TMEM144: variants seen among roughly 807,000 people sequenced by gnomAD.
TMEM144 encodes transmembrane protein 144.
TMEM144 carries 39 observed loss-of-function variants against 43.6 expected under a neutral mutation model. The ratio of observed to expected loss-of-function variants is 0.90; its 90% CI spans 0.69 to 1.17. TMEM144 has a LOEUF of 1.17. Ranked by LOEUF, TMEM144 falls within the 50% of genes most tolerant of loss-of-function variation. The pLI is 0.00. For synonymous variants in TMEM144, 154 were observed against 133.6 expected (o/e 1.15, Z -1.06); for missense variants, 417 against 411.9 (o/e 1.01, Z -0.11).
chr4:158,249,096 G>A (rs535458457), intron 12 of TMEM144, among the ~76,000 whole-genome samples: 2 of 152,080 alleles, frequency 1.3e-5, no homozygotes, highest in East Asian at 1.9e-4. Context: ...TAGTAGAGAC[G>A]GGGTTTCACA....
chr4:158,231,928 T>C (rs1231549261), intron 6 of TMEM144, among the ~76,000 whole-genome samples: 1 of 152,220 alleles, frequency 6.6e-6, no homozygotes, highest in African/African-American at 2.4e-5. Flanking sequence ...AGCATTTTAA[T>C]TTTTACACAA....
chr4:158,223,901 G>T (rs1380516062), intron 6 of TMEM144, among the ~76,000 whole-genome samples: 1 of 152,160 alleles, frequency 6.6e-6, no homozygotes, highest in East Asian at 1.9e-4. Context: ...ATAATAGAAT[G>T]ATTTATATTC....
At chr4:158,233,743 CA>C (rs891522418) in intron 7 of TMEM144, 4 of 152,258 alleles carry the variant, frequency 2.6e-5, no homozygotes, top group Non-Finnish European at 5.9e-5. Context: ...CCCCTTACTT[CA>C]AAATTAATCT....
chr4:158,231,240 G>A (rs1340916008), intron 6 of TMEM144, among the ~76,000 whole-genome samples: 1 of 152,062 alleles, frequency 6.6e-6, no homozygotes, highest in Non-Finnish European at 1.5e-5. Flanking sequence ...TGAGGAAGAG[G>A]GATTCTAGTG....
chr4:158,217,462 C>A, intron 5 of TMEM144, 42 bp downstream of exon 5: 2 of 1,369,556 alleles, frequency 1.5e-6, no homozygotes, highest in South Asian at 1.2e-5. Context: ...TTCCTGCATC[C>A]ATATTCTATG....
intron 9 of TMEM144, 107 bp downstream of exon 9, chr4:158,237,750 C>A: frequency 1.3e-6 from 1 of 780,474 alleles, no homozygotes; most frequent in Non-Finnish European, 2.0e-6. Context: ...TTTCTTTGTC[C>A]TTGTAAGTGG....
intron 6 of TMEM144, among the ~76,000 whole-genome samples, chr4:158,225,692 C>CCACG (rs1331376040): frequency 6.6e-6 from 1 of 152,210 alleles, no homozygotes; most frequent in East Asian, 1.9e-4. Context: ...CAGTAAAGGT[C>CCACG]CACGACAATA....
chr4:158,237,483 T>C, intron 8 of TMEM144, 42 bp from the exon 9 acceptor site: 1 of 1,482,892 alleles, frequency 6.7e-7, no homozygotes, highest in African/African-American at 1.4e-5. Context: ...TCAGAAATAC[T>C]GCTTTGAGCC....
intron 12 of TMEM144, among the ~76,000 whole-genome samples, chr4:158,246,383 C>G (rs1052582256): frequency 6.6e-6 from 1 of 152,044 alleles, no homozygotes; most frequent in African/African-American, 2.4e-5. Flanking sequence ...GTACTTCTAC[C>G]TGATCTTTAA....
At chr4:158,212,829 C>T (rs760104015) in intron 3 of TMEM144, 53 bp downstream of exon 3, 2 of 1,395,836 alleles carry the variant, frequency 1.4e-6, no homozygotes, top group Non-Finnish European at 2.0e-6. Flanking sequence ...AAATGAAGTT[C>T]CTTTTTTGGT....
intron 6 of TMEM144, among the ~76,000 whole-genome samples, chr4:158,221,960 T>G (rs1258935661): frequency 1.3e-5 from 2 of 152,206 alleles, no homozygotes; most frequent in Non-Finnish European, 2.9e-5. Context: ...TACTGGACCC[T>G]TCCCTGCAAA....
At chr4:158,217,451 T>C in intron 5 of TMEM144, 31 bp downstream of exon 5, 2 of 1,444,626 alleles carry the variant, frequency 1.4e-6, no homozygotes, top group Non-Finnish European at 1.9e-6. Flanking sequence ...TCAACTAAGA[T>C]TTCCTGCATC....
At chr4:158,216,115 C>T (rs1300370611) in intron 4 of TMEM144, among the ~76,000 whole-genome samples, 1 of 151,976 alleles carries the variant, frequency 6.6e-6, no homozygotes, top group Non-Finnish European at 1.5e-5. Context: ...ATTATTATAC[C>T]TCACTTATAC....
chr4:158,244,217 T>C (rs948163233), intron 11 of TMEM144, 79 bp from the exon 12 acceptor site: 1 of 1,071,690 alleles, frequency 9.3e-7, no homozygotes, highest in African/African-American at 1.6e-5. Context: ...GTTTATACTG[T>C]CTCTAACTTA....
intron 8 of TMEM144, among the ~76,000 whole-genome samples, chr4:158,236,475 G>A (rs532785511): frequency 9.9e-5 from 15 of 152,134 alleles, no homozygotes; most frequent in Admixed American, 2.6e-4. Context: ...TCTTGTCTGC[G>A]TTTGGGACGC....
rs1447925930 is a variant in TMEM144 at position 158,253,602 on chromosome 4, A to G, written c.*75A>G. The G allele has an allele frequency of 4.8e-6, 6 of 1,242,788 alleles. No homozygotes were observed. In the Admixed American group the frequency reaches 7.8e-5, roughly 16 times the overall value. 77.0% of individuals were successfully genotyped at this position (1,242,788 alleles called of 1,614,324 possible). A position where few individuals can be genotyped will look rare whatever the true frequency, so the allele number is the denominator to read the frequency against. ...CGGACAGCGGAGAGATCATGCTGAG[A>G]AAAGAGTGCATTTTCATATAGCAAA... On this transcript the variant is annotated 3_prime_UTR_variant, in exon 13 of 13. Coordinates refer to ENST00000296529, the MANE Select transcript of TMEM144 (RefSeq NM_018342.5).
chr4:158,228,729 T>C (rs931037953), intron 6 of TMEM144, among the ~76,000 whole-genome samples: 1 of 152,128 alleles, frequency 6.6e-6, no homozygotes, highest in Non-Finnish European at 1.5e-5. Context: ...ATCACCTCGC[T>C]TCCCGGTCAG....
chr4:158,219,391 G>T lies in TMEM144; in HGVS notation c.413+1G>T. ...TTGGAGCTGGGCTATCAGTAGTAAGGTACACAGTCATTTCTAGTGATTTTG... is the reference window on the plus strand; with the variant it reads ...TTGGAGCTGGGCTATCAGTAGTAAGTTACACAGTCATTTCTAGTGATTTTG... On this transcript the variant is annotated splice_donor_variant, in intron 6 of 12. Coordinates refer to ENST00000296529, the MANE Select transcript of TMEM144 (RefSeq NM_018342.5). LOFTEE classifies it high-confidence loss of function. 6.2e-7 allele frequency: 1 copy of T among 1,612,916 alleles called. No homozygotes were observed. The highest frequency in any genetic ancestry group is 8.5e-7 in the Non-Finnish European group (1 of 1,179,120).
chr4:158,224,428 T>C (rs1296847476), intron 6 of TMEM144, among the ~76,000 whole-genome samples: 1 of 152,208 alleles, frequency 6.6e-6, no homozygotes, highest in Non-Finnish European at 1.5e-5. Flanking sequence ...ATCCCACTTA[T>C]GAGATCTTTA....
Sources: gnomAD v4.1 joint callset for allele counts (sites outside exome capture counted in the v4.1 genomes callset) on GRCh38, gnomAD v4.1.1 for gene constraint, MANE v1.5 for transcripts, NCBI Gene and HGNC (gene_info 2026-07-23, HGNC 2026-07-21) for gene names.